MAGI3: variants seen among roughly 807,000 people sequenced by gnomAD.
MAGI3 encodes the protein membrane associated guanylate kinase, WW and PDZ domain containing 3.
MAGI3 carries 43 observed loss-of-function variants against 121.8 expected under a neutral mutation model. The ratio of observed to expected loss-of-function variants is 0.35; its 90% CI spans 0.28 to 0.46. MAGI3 has a LOEUF of 0.46. Ranked by LOEUF, MAGI3 falls within the 20% of genes least tolerant of loss-of-function variation. MAGI3 has a pLI of 1.00. For synonymous variants in MAGI3, 553 were observed against 639.3 expected (o/e 0.86, Z 2.04); for missense variants, 1,547 against 1,797.3 (o/e 0.86, Z 2.52).
intron 15 of MAGI3, among the ~76,000 whole-genome samples, chr1:113,656,937 G>T (rs1373772350): frequency 2.6e-5 from 4 of 152,066 alleles, no homozygotes; most frequent in African/African-American, 9.7e-5. Flanking sequence ...AAGAAGACTC[G>T]GCTAGTTTTT....
chr1:113,666,420 G>A (rs1327305561), intron 16 of MAGI3, among the ~76,000 whole-genome samples: 1 of 152,218 alleles, frequency 6.6e-6, no homozygotes, highest in African/African-American at 2.4e-5. Context: ...TTCACCAGGA[G>A]TAGATTCCAT....
chr1:113,611,552 A>G (rs1000288938), intron 6 of MAGI3, among the ~76,000 whole-genome samples: 10 of 151,910 alleles, frequency 6.6e-5, no homozygotes, highest in Non-Finnish European at 1.3e-4. Flanking sequence ...TATCCATTCT[A>G]CTACCCCTGC....
intron 1 of MAGI3, chr1:113,450,625 T>C: frequency 9.5e-7 from 1 of 1,051,918 alleles, no homozygotes; most frequent in Middle Eastern, 2.0e-4. Context: ...AATCAAATTA[T>C]GGACCCGTGA....
intron 6 of MAGI3, among the ~76,000 whole-genome samples, chr1:113,610,832 A>G (rs1472909240): frequency 6.6e-6 from 1 of 151,898 alleles, no homozygotes; most frequent in Non-Finnish European, 1.5e-5. Flanking sequence ...TACCCGGGAG[A>G]CTGAGGCAGG....
intron 8 of MAGI3, among the ~76,000 whole-genome samples, chr1:113,620,501 G>C (rs1316815042): frequency 6.6e-6 from 1 of 152,112 alleles, no homozygotes; most frequent in Admixed American, 6.5e-5. Flanking sequence ...CTCCACTTCG[G>C]TTGCCTATGA....
chr1:113,682,161 T>TA, intron 20 of MAGI3: 1 of 565,610 alleles, frequency 1.8e-6, no homozygotes, highest in South Asian at 3.4e-5. Context: ...ACTGCACTGA[T>TA]TTTTTTTTTT....
intron 6 of MAGI3, among the ~76,000 whole-genome samples, chr1:113,612,839 AT>A (rs1254182991): frequency 1.3e-5 from 2 of 152,178 alleles, no homozygotes; most frequent in Non-Finnish European, 2.9e-5. Flanking sequence ...TATCCTTACT[AT>A]TAGTACATCC....
At chr1:113,577,318 T>C (rs141840578) in intron 2 of MAGI3, among the ~76,000 whole-genome samples, 281 of 152,272 alleles carry the variant, frequency 1.8e-3, no homozygotes, top group Non-Finnish European at 2.3e-3. Flanking sequence ...GAGACTATTG[T>C]TGAAACATAG....
chr1:113,512,814 T>C (rs1253111470), intron 1 of MAGI3, among the ~76,000 whole-genome samples: 1 of 152,106 alleles, frequency 6.6e-6, no homozygotes, highest in Non-Finnish European at 1.5e-5. Flanking sequence ...GGTATTCAAT[T>C]AGGAAAAGAG....
intron 6 of MAGI3, among the ~76,000 whole-genome samples, chr1:113,610,241 C>T (rs1050486165): frequency 1.3e-5 from 2 of 152,108 alleles, no homozygotes; most frequent in African/African-American, 4.8e-5. Context: ...TCATGCCATT[C>T]TCCTGCCTCA....
At chr1:113,681,074 C>G (rs1167317224) in intron 19 of MAGI3, 124 bp from the exon 20 acceptor site, 31 of 1,058,474 alleles carry the variant, frequency 2.9e-5, no homozygotes, top group Non-Finnish European at 3.8e-5. Context: ...GTACTGGGTA[C>G]ACGTTAGGTA....
chr1:113,672,912 A>G (rs1359865691), intron 18 of MAGI3, among the ~76,000 whole-genome samples, 171 bp downstream of exon 18: 1 of 152,234 alleles, frequency 6.6e-6, no homozygotes, highest in Non-Finnish European at 1.5e-5. Flanking sequence ...GAATGTTAGG[A>G]GTGAAAGAAA....
rs1557756971 is a variant in MAGI3 at position 113,437,851 on chromosome 1, CTTCTTCTTCTTCCTCTTCTTCTT to C, written c.316+46503_316+46525del. ...TCTTCTTCTTCTTCTTCTTCTTCTT[CTTCTTCTTCTTCCTCTTCTTCTT>C]CTTCTCCTTCTCCTTCTCCTTCTCC... On this transcript the variant is annotated intron_variant, in intron 1 of 20. Transcript: ENST00000307546. 6.1e-3 allele frequency among the ~76,000 whole-genome samples: 339 copies of C among 55,952 alleles called. 11 individuals are homozygous for C. The highest frequency in any genetic ancestry group is 0.033 in the Middle Eastern group (5 of 150). 36.7% of individuals were successfully genotyped at this position (55,952 alleles called of 152,430 possible). A position where few individuals can be genotyped will look rare whatever the true frequency, so the allele number is the denominator to read the frequency against.
At chr1:113,556,917 T>C (rs1660015772) in intron 2 of MAGI3, among the ~76,000 whole-genome samples, 1 of 152,172 alleles carries the variant, frequency 6.6e-6, no homozygotes, top group Admixed American at 6.5e-5. Flanking sequence ...ACAACTTAGA[T>C]GAAATGGACA....
intron 2 of MAGI3, among the ~76,000 whole-genome samples, chr1:113,578,711 A>G (rs1486087228): frequency 6.6e-6 from 1 of 152,220 alleles, no homozygotes; most frequent in Non-Finnish European, 1.5e-5. Flanking sequence ...CTAACAATGT[A>G]GTTTTGGTCA....
At chr1:113,561,732 C>A (rs112705889) in intron 2 of MAGI3, among the ~76,000 whole-genome samples, 15,761 of 152,210 alleles carry the variant, frequency 0.1, 1,023 homozygotes, top group East Asian at 0.18. Context: ...TTCACCACTC[C>A]TATTCAATAT....
chr1:113,569,998 C>G (rs1436642722), intron 2 of MAGI3, among the ~76,000 whole-genome samples: 1 of 152,020 alleles, frequency 6.6e-6, no homozygotes, highest in African/African-American at 2.4e-5. Flanking sequence ...AGATTTTAAG[C>G]CTCACATGCA....
intron 1 of MAGI3, among the ~76,000 whole-genome samples, chr1:113,412,706 T>A (rs192310088): frequency 6.6e-6 from 1 of 150,600 alleles, no homozygotes; most frequent in Non-Finnish European, 1.5e-5. Context: ...CTCTGCCCGC[T>A]TTTTGGTGGG....
At chr1:113,488,827 C>A (rs1656531058) in intron 1 of MAGI3, among the ~76,000 whole-genome samples, 1 of 152,106 alleles carries the variant, frequency 6.6e-6, no homozygotes, top group Non-Finnish European at 1.5e-5. Context: ...TCCTCCCCAG[C>A]CCTGAGTGAC....
Sources: allele counts gnomAD v4.1 joint callset (sites outside exome capture counted in the v4.1 genomes callset), GRCh38; gene constraint gnomAD v4.1.1; transcripts MANE v1.5; gene names NCBI Gene and HGNC (gene_info 2026-07-23, HGNC 2026-07-21).